NUBPL: variants seen among roughly 807,000 people sequenced by gnomAD.
The protein encoded by NUBPL is iron-sulfur cluster transfer protein NUBPL.
NUBPL carries 31 observed loss-of-function variants against 45.7 expected under a neutral mutation model. The observed-to-expected ratio is 0.68, with a 90% CI of 0.51 to 0.92. NUBPL has a LOEUF of 0.92. NUBPL is among the 40% of genes least tolerant of loss of function. The pLI is 0.00. For missense variants in NUBPL, 401 were observed against 398.7 expected (o/e 1.01, Z -0.05); for synonymous variants, 144 against 140.9 (o/e 1.02, Z -0.15).
intron 6 of NUBPL, among the ~76,000 whole-genome samples, chr14:31,678,987 C>T (rs1488334321): frequency 3.3e-5 from 5 of 152,198 alleles, no homozygotes; most frequent in African/African-American, 1.2e-4. Flanking sequence ...AGCGATTCCC[C>T]TCTGGTTAGG....
At chr14:31,567,497 C>T (rs550278685) in intron 3 of NUBPL, among the ~76,000 whole-genome samples, 1 of 152,166 alleles carries the variant, frequency 6.6e-6, no homozygotes, top group African/African-American at 2.4e-5. Context: ...TTGTCTTTTG[C>T]TCTGTGTTTT....
intron 3 of NUBPL, among the ~76,000 whole-genome samples, chr14:31,593,338 C>G (rs1182521069): frequency 1.3e-5 from 2 of 151,564 alleles, no homozygotes; most frequent in African/African-American, 4.8e-5. Flanking sequence ...ACGGTGAAAC[C>G]CCATCTCTAC....
chr14:31,713,844 A>G (rs1250998047), intron 6 of NUBPL, among the ~76,000 whole-genome samples: 1 of 152,210 alleles, frequency 6.6e-6, no homozygotes, highest in East Asian at 1.9e-4. Context: ...AATTAAATTT[A>G]TATGGTGCAA....
intron 7 of NUBPL, among the ~76,000 whole-genome samples, chr14:31,804,326 A>G (rs1223905718): frequency 6.6e-6 from 1 of 152,042 alleles, no homozygotes; most frequent in Non-Finnish European, 1.5e-5. Flanking sequence ...TAGATGTTAC[A>G]GTATATCAGT....
intron 6 of NUBPL, among the ~76,000 whole-genome samples, chr14:31,675,514 A>T (rs893340900): frequency 2.0e-5 from 3 of 152,242 alleles, no homozygotes; most frequent in Non-Finnish European, 4.4e-5. Flanking sequence ...ATTTTAAACA[A>T]TTGAATATAA....
intron 8 of NUBPL, among the ~76,000 whole-genome samples, chr14:31,831,740 G>A (rs1302928356): frequency 1.3e-5 from 2 of 152,124 alleles, no homozygotes; most frequent in Admixed American, 1.3e-4. Flanking sequence ...ACGCATTGGT[G>A]TATTGCCAGG....
chr14:31,637,480 A>G (rs1173432307), intron 4 of NUBPL, among the ~76,000 whole-genome samples: 3 of 152,156 alleles, frequency 2.0e-5, no homozygotes, highest in East Asian at 1.9e-4. Flanking sequence ...CTGTTCTTTT[A>G]CATTTGCTGA....
At chr14:31,610,332 C>A (rs1185622459) in intron 4 of NUBPL, among the ~76,000 whole-genome samples, 1 of 151,898 alleles carries the variant, frequency 6.6e-6, no homozygotes, top group Admixed American at 6.6e-5. Flanking sequence ...AATTCATATA[C>A]ACGTACAACC....
intron 6 of NUBPL, among the ~76,000 whole-genome samples, chr14:31,706,161 C>G (rs1367063368): frequency 1.5e-5 from 1 of 65,606 alleles, no homozygotes; most frequent in Non-Finnish European, 5.4e-5. Flanking sequence ...AATCCCCCCT[C>G]TAAACAGGAC....
chr14:31,658,490 A>G (rs1217775799), intron 4 of NUBPL, among the ~76,000 whole-genome samples: 2 of 152,038 alleles, frequency 1.3e-5, no homozygotes, highest in Non-Finnish European at 2.9e-5. Flanking sequence ...ATGATCAAAT[A>G]TAGGTTATGG....
rs140095681 is a variant in NUBPL, at chr14:31,733,241, T to C, written c.514-54539T>C. ...GTATGGAGTGGCTGCTTTTGAATTC[T>C]GTATGCTGTTGCCTGCCTCATACTA... On this transcript the variant is annotated intron_variant, in intron 6 of 10. Coordinates refer to ENST00000281081, the MANE Select transcript of NUBPL (RefSeq NM_025152.3). Among the ~76,000 whole-genome samples, 360 of 152,342 alleles carry C rather than the reference T, an allele frequency of 2.4e-3. 2 individuals are homozygous for C. The highest frequency in any genetic ancestry group is 8.5e-3 in the African/African-American group (354 of 41,582).
chr14:31,562,218 A>G lies in NUBPL; in HGVS notation c.256+3A>G. The G allele has an allele frequency of 3.7e-6, 6 of 1,611,856 alleles. No individual in the cohort carries two copies. The South Asian group carries it at 5.5e-5, about 15-fold the overall frequency. ...AGTCGGAAAATCTACTACAGCAGGT[A>G]TTATAGGATATTAATTCTATTCCTG... On this transcript the variant is annotated splice_donor_region_variant and intron_variant, in intron 2 of 10. Coordinates refer to ENST00000281081, the MANE Select transcript of NUBPL (RefSeq NM_025152.3).
chr14:31,576,559 C>T (rs934803529), intron 3 of NUBPL, among the ~76,000 whole-genome samples: 18 of 152,168 alleles, frequency 1.2e-4, no homozygotes, highest in African/African-American at 4.1e-4. Flanking sequence ...CTAGGCCTAC[C>T]TTTATCTTAG....
At chr14:31,561,906 A>G (rs993357160) in intron 1 of NUBPL, among the ~76,000 whole-genome samples, 162 bp from the exon 2 acceptor site, 10 of 152,200 alleles carry the variant, frequency 6.6e-5, no homozygotes, top group African/African-American at 2.4e-4. Flanking sequence ...TGTCTTTACA[A>G]TTGTTATCAG....
At chr14:31,840,677 C>T (rs1011932412) in intron 8 of NUBPL, among the ~76,000 whole-genome samples, 1 of 151,822 alleles carries the variant, frequency 6.6e-6, no homozygotes, top group Non-Finnish European at 1.5e-5. Context: ...AAGACTAATA[C>T]TTCATAATCT....
chr14:31,565,368 T>C (rs2033409326), intron 3 of NUBPL, among the ~76,000 whole-genome samples: 1 of 152,188 alleles, frequency 6.6e-6, no homozygotes, highest in Non-Finnish European at 1.5e-5. Context: ...ATTAAGTTTT[T>C]TTAAGGGGAA....
intron 3 of NUBPL, among the ~76,000 whole-genome samples, chr14:31,571,030 C>T (rs1433752953): frequency 6.6e-6 from 1 of 152,184 alleles, no homozygotes; most frequent in African/African-American, 2.4e-5. Flanking sequence ...CTGGGTTTAT[C>T]TTTAGCTATT....
At chr14:31,586,263 A>G (rs11156691) in intron 3 of NUBPL, among the ~76,000 whole-genome samples, 45,346 of 152,090 alleles carry the variant, frequency 0.3, 7,549 homozygotes, top group South Asian at 0.41. Context: ...ATTTATTTAC[A>G]TAGAAGGAAG....
At chr14:31,842,633 A>T (rs556060591) in intron 8 of NUBPL, among the ~76,000 whole-genome samples, 41 of 152,120 alleles carry the variant, frequency 2.7e-4, no homozygotes, top group Admixed American at 4.6e-4. Context: ...GTGTGATACC[A>T]CACCTGACTA....
Sources: allele counts gnomAD v4.1 joint callset (sites outside exome capture counted in the v4.1 genomes callset), GRCh38; gene constraint gnomAD v4.1.1; transcripts MANE v1.5; gene names NCBI Gene and HGNC (gene_info 2026-07-23, HGNC 2026-07-21).